NKAIN2: variants seen among roughly 807,000 people sequenced by gnomAD.
The protein encoded by NKAIN2 is sodium/potassium transporting ATPase interacting 2.
In NKAIN2, 14 loss-of-function variants were observed where a neutral mutation model predicts 32.6. The ratio of observed to expected loss-of-function variants is 0.43; its 90% CI spans 0.28 to 0.67. The LOEUF is 0.67. NKAIN2 is among the 30% of genes least tolerant of loss of function. NKAIN2 has a pLI of 0.17. For synonymous variants in NKAIN2, 80 were observed against 87.2 expected (o/e 0.92, Z 0.46); for missense variants, 198 against 258.3 (o/e 0.77, Z 1.60).
intron 3 of NKAIN2, among the ~76,000 whole-genome samples, chr6:124,571,105 A>G (rs1487380359): frequency 1.3e-5 from 2 of 152,124 alleles, no homozygotes; most frequent in Non-Finnish European, 2.9e-5. Context: ...GTTTTGGCCA[A>G]TTGCTTCCAT....
chr6:124,730,227 A>G lies in NKAIN2; in HGVS notation c.475-61112A>G. The stretch of plus-strand genomic sequence containing the variant: ...AAAACTACTTTAAAGTTCATATGGA[A>G]CCAAAAAAGAGCCCGCATCGCCAAG... On this transcript the variant is annotated intron_variant, in intron 4 of 6. Coordinates refer to ENST00000368417, the MANE Select transcript of NKAIN2 (RefSeq NM_001040214.3). Among the ~76,000 whole-genome samples the G allele has an allele frequency of 2.1e-5, 2 of 93,188 alleles. 1 individual carries two copies. The highest frequency in any genetic ancestry group is 4.3e-5 in the Non-Finnish European group (2 of 46,652). 61.1% of individuals were successfully genotyped at this position (93,188 alleles called of 152,430 possible).
At chr6:124,554,063 A>C (rs1426908624) in intron 3 of NKAIN2, among the ~76,000 whole-genome samples, 2 of 152,248 alleles carry the variant, frequency 1.3e-5, no homozygotes, top group African/African-American at 2.4e-5. Flanking sequence ...AGTCAGTCTT[A>C]GTATATAGCT....
chr6:124,075,366 G>T (rs753590763), intron 1 of NKAIN2, among the ~76,000 whole-genome samples: 3 of 152,106 alleles, frequency 2.0e-5, no homozygotes, highest in Non-Finnish European at 2.9e-5. Context: ...TCAAGTCTGT[G>T]CATATAAGCA....
intron 4 of NKAIN2, among the ~76,000 whole-genome samples, chr6:124,781,344 T>C (rs926872265): frequency 6.6e-6 from 1 of 152,046 alleles, no homozygotes; most frequent in African/African-American, 2.4e-5. Context: ...ATCTCCTTAG[T>C]TTTGGAAAGA....
At chr6:124,024,400 G>A (rs571706260) in intron 1 of NKAIN2, among the ~76,000 whole-genome samples, 3 of 152,194 alleles carry the variant, frequency 2.0e-5, no homozygotes, top group East Asian at 1.9e-4. Flanking sequence ...CCTGCTGAAC[G>A]TCGGCCTCTC....
intron 1 of NKAIN2, among the ~76,000 whole-genome samples, chr6:124,112,163 T>G (rs562439190): frequency 6.6e-6 from 1 of 152,286 alleles, no homozygotes; most frequent in East Asian, 1.9e-4. Context: ...GTTTTATACT[T>G]TCTTATGCTG....
intron 3 of NKAIN2, among the ~76,000 whole-genome samples, chr6:124,457,988 G>A (rs187094839): frequency 2.6e-5 from 4 of 151,994 alleles, no homozygotes; most frequent in Admixed American, 2.6e-4. Flanking sequence ...TTATTTTTTA[G>A]ATAATGACTA....
At position 124,595,906 on chromosome 6, in the gene NKAIN2, A is replaced by G. The variant is rs910149229; in HGVS notation, c.274-62280A>G. On this transcript the variant is annotated intron_variant, in intron 3 of 6. Coordinates refer to ENST00000368417, the MANE Select transcript of NKAIN2 (RefSeq NM_001040214.3). Reference sequence around the variant, plus strand: ...GGGTTTGCAGCAACTAGTAAGGCCAAACTGATTTGGCAGCTGGGGCTTGGG... The same window carrying G: ...GGGTTTGCAGCAACTAGTAAGGCCAGACTGATTTGGCAGCTGGGGCTTGGG... Among the ~76,000 whole-genome samples the G allele has an allele frequency of 2.6e-5, 4 of 152,258 alleles. No homozygotes were observed. The East Asian group carries it at 7.7e-4, about 29-fold the overall frequency.
intron 1 of NKAIN2, among the ~76,000 whole-genome samples, chr6:123,848,096 T>G (rs959313753): frequency 6.6e-6 from 1 of 152,200 alleles, no homozygotes; most frequent in Admixed American, 6.5e-5. Flanking sequence ...AAAGTGGAAA[T>G]ACTTCCTCAA....
At chr6:124,604,756 A>G (rs962353068) in intron 3 of NKAIN2, among the ~76,000 whole-genome samples, 1 of 151,890 alleles carries the variant, frequency 6.6e-6, no homozygotes, top group Non-Finnish European at 1.5e-5. Flanking sequence ...GCTCCCAGTT[A>G]CTTTATTCTT....
intron 3 of NKAIN2, among the ~76,000 whole-genome samples, chr6:124,389,619 T>C (rs1475571070): frequency 6.6e-6 from 1 of 151,962 alleles, no homozygotes. Flanking sequence ...AAAGGTAAGA[T>C]ATGAAATGAT....
At chr6:124,271,508 A>G (rs907907953) in intron 1 of NKAIN2, among the ~76,000 whole-genome samples, 1 of 152,028 alleles carries the variant, frequency 6.6e-6, no homozygotes, top group Non-Finnish European at 1.5e-5. Context: ...GAGCCACCAT[A>G]CCCGGCCTAA....
At chr6:123,856,849 C>T (rs1273061805) in intron 1 of NKAIN2, among the ~76,000 whole-genome samples, 1 of 152,156 alleles carries the variant, frequency 6.6e-6, no homozygotes, top group East Asian at 1.9e-4. Context: ...ATACCTTCCT[C>T]TCCTAATTAA....
intron 3 of NKAIN2, among the ~76,000 whole-genome samples, chr6:124,554,353 A>C (rs539537449): frequency 6.6e-6 from 1 of 152,286 alleles, no homozygotes; most frequent in East Asian, 1.9e-4. Context: ...TTAAGCCAAA[A>C]CCTTTTCTAT....
intron 3 of NKAIN2, among the ~76,000 whole-genome samples, chr6:124,467,911 A>G (rs568066273): frequency 6.6e-6 from 1 of 152,124 alleles, no homozygotes; most frequent in African/African-American, 2.4e-5. Flanking sequence ...TGGTGGCCTT[A>G]GATAAATTAT....
intron 1 of NKAIN2, among the ~76,000 whole-genome samples, chr6:123,925,333 G>A (rs570517259): frequency 5.0e-4 from 76 of 152,258 alleles, no homozygotes; most frequent in African/African-American, 1.8e-3. Context: ...AAATAAAAAG[G>A]CACTGGATCT....
At chr6:123,923,214 G>C (rs1464174264) in intron 1 of NKAIN2, among the ~76,000 whole-genome samples, 2 of 152,156 alleles carry the variant, frequency 1.3e-5, no homozygotes, top group Non-Finnish European at 2.9e-5. Flanking sequence ...TTACTTTGAG[G>C]AAACAACTTA....
At chr6:124,136,592 G>T (rs1786801123) in intron 1 of NKAIN2, among the ~76,000 whole-genome samples, 1 of 151,998 alleles carries the variant, frequency 6.6e-6, no homozygotes, top group African/African-American at 2.4e-5. Context: ...ATGAAATTAG[G>T]TGTGAAAATC....
At chr6:124,519,645 A>G (rs1779049032) in intron 3 of NKAIN2, among the ~76,000 whole-genome samples, 1 of 152,226 alleles carries the variant, frequency 6.6e-6, no homozygotes, top group Admixed American at 6.5e-5. Context: ...AGTCTGAATT[A>G]AATTAAGGAT....
Sources: gnomAD v4.1 joint callset for allele counts (sites outside exome capture counted in the v4.1 genomes callset) on GRCh38, gnomAD v4.1.1 for gene constraint, MANE v1.5 for transcripts, NCBI Gene and HGNC (gene_info 2026-07-23, HGNC 2026-07-21) for gene names.